Variants in SHF observed in about 807,000 individuals in gnomAD.
SHF encodes the protein SH2 domain-containing adapter protein F.
SHF carries 30 observed loss-of-function variants against 42.4 expected under a neutral mutation model. The ratio of observed to expected loss-of-function variants is 0.71; its 90% CI spans 0.53 to 0.96. The LOEUF (loss-of-function observed/expected upper bound fraction) is 0.96. Among genes scored for constraint, SHF ranks in the 40% least tolerant of loss-of-function variants. The pLI, the probability that SHF is intolerant of heterozygous loss-of-function variation, is 0.00. For missense variants in SHF, 598 were observed against 634.0 expected, an observed-to-expected ratio of 0.94 and a Z score of 0.61; for synonymous variants, 264 against 269.9, an observed-to-expected ratio of 0.98 and a Z score of 0.21.
At chr15:45,198,642 C>CGTTGTG in intron 2 of SHF, 2 of 1,191,358 alleles carry the variant, frequency 1.7e-6, no homozygotes, top group Non-Finnish European at 1.1e-6. Flanking sequence ...TTGCTGCGGC[C>CGTTGTG]ACAACGCAGA....
chr15:45,174,347 A>G (rs916647054), intron 3 of SHF: 3 of 157,848 alleles, frequency 1.9e-5, no homozygotes, highest in African/African-American at 7.2e-5. Flanking sequence ...TCCAAACAGT[A>G]TTGATTCTCC....
chr15:45,190,451 C>G (rs750119920), upstream of SHF, among the ~76,000 whole-genome samples: 5 of 152,144 alleles, frequency 3.3e-5, no homozygotes, highest in African/African-American at 1.2e-4. Flanking sequence ...GCTACTGATA[C>G]TTGCTTTCAT....
chr15:45,201,110 C>A, exon 1 of SHF: 1 of 333,216 alleles, frequency 3.0e-6, no homozygotes, highest in South Asian at 2.4e-5. Flanking sequence ...ACGAGAAGGG[C>A]AACACTGGGT....
Position 45,187,808 on chromosome 15 carries a change from G to C in SHF, c.144C>G (p.Ala48=). 1 of 878,314 alleles carries C rather than the reference G, an allele frequency of 1.1e-6. No homozygotes were observed. Among genetic ancestry groups the C allele is most frequent in the Non-Finnish European group, 1.5e-6 (1 of 673,584 alleles). The allele number at this position is 878,314 out of a possible 1,614,324, so 54.4% of individuals were successfully genotyped here. A position where few individuals can be genotyped will look rare whatever the true frequency, so the allele number is the denominator to read the frequency against. Residue 48 remains alanine (A), a synonymous_variant, in exon 1 of 7, where the codon GCC becomes GCG. Coordinates refer to ENST00000690270, the MANE Select transcript of SHF (RefSeq NM_001394037.1). ...AGCCCAGGTGCTCCCGGAGCCACTT[G>C]GCTACTCCGCCGCTGCCGCCCCCTC... ...GPGGGGSGGV[A]KWLREHLGFR...
chr15:45,172,010 TGA>T lies in SHF; in HGVS notation c.1161-10_1161-9del. The T allele has an allele frequency of 1.2e-6, 2 of 1,613,806 alleles. No homozygotes were observed. The highest frequency in any genetic ancestry group is 2.2e-5 in the South Asian group (2 of 91,060). ...ATGGCCCCGTGATACCAGCTAAGGA[TGA>T]GAGAGAGGAAGGGGGGCATCTCTGC... On this transcript the variant is annotated splice_polypyrimidine_tract_variant and intron_variant, in intron 5 of 6. Transcript: ENST00000690270.
intron 2 of SHF, among the ~76,000 whole-genome samples, chr15:45,198,189 G>A (rs1243449303): frequency 1.3e-5 from 2 of 152,026 alleles, no homozygotes; most frequent in Admixed American, 1.3e-4. Context: ...CAGGATAATC[G>A]CTTGAACCCG....
intron 6 of SHF, chr15:45,170,645 C>CTTTTTTT (rs146136602): frequency 3.4e-4 from 76 of 221,788 alleles, no homozygotes; most frequent in Non-Finnish European, 4.1e-4. Flanking sequence ...TTATCTTTTT[C>CTTTTTTT]TTTTTTTTTT....
intron 2 of SHF, among the ~76,000 whole-genome samples, chr15:45,197,027 A>G (rs1444748526): frequency 1.3e-5 from 2 of 152,192 alleles, no homozygotes; most frequent in Admixed American, 1.3e-4. Context: ...ATAGGAGCAC[A>G]CACTTTTCTT....
intron 6 of SHF, among the ~76,000 whole-genome samples, chr15:45,169,454 T>C (rs573225656): frequency 6.6e-6 from 1 of 151,912 alleles, no homozygotes; most frequent in African/African-American, 2.4e-5. Flanking sequence ...CATCTGTAGG[T>C]CTGAGATAAC....
intron 2 of SHF, among the ~76,000 whole-genome samples, chr15:45,193,720 G>A (rs780235289): frequency 1.7e-4 from 26 of 152,192 alleles, no homozygotes; most frequent in Non-Finnish European, 3.2e-4. Context: ...GCCAGGTGCA[G>A]TGGCTCACGC....
chr15:45,192,119 A>T (rs1898723551), upstream of SHF, among the ~76,000 whole-genome samples: 1 of 152,098 alleles, frequency 6.6e-6, no homozygotes, highest in African/African-American at 2.4e-5. Context: ...CCAAAGAATA[A>T]GGAATTCTAT....
chr15:45,198,693 C>G, intron 2 of SHF: 1 of 1,518,842 alleles, frequency 6.6e-7, no homozygotes, highest in Non-Finnish European at 8.8e-7. Flanking sequence ...ACCGGGGACC[C>G]GTAGGGGTTG....
chr15:45,190,240 G>C (rs1898676323), upstream of SHF, among the ~76,000 whole-genome samples: 1 of 152,170 alleles, frequency 6.6e-6, no homozygotes, highest in Admixed American at 6.5e-5. Flanking sequence ...AAAATAACGT[G>C]CATATTTTTA....
exon 1 of SHF, chr15:45,201,105 A>G (rs1272524980): frequency 3.0e-6 from 1 of 338,122 alleles, no homozygotes; most frequent in Non-Finnish European, 5.9e-6. Context: ...TCTAGACGAG[A>G]AGGGCAACAC....
rs374768831 is a variant in SHF at position 45,168,014 on chromosome 15, C to T, written c.1400G>A (p.Arg467His). Residue 467 changes from arginine to histidine, a missense_variant, in exon 7 of 7, where the codon CGC becomes CAC. By Grantham distance (29) the Arg-to-His change is conservative. Coordinates refer to ENST00000690270, the MANE Select transcript of SHF (RefSeq NM_001394037.1). ...VPEIVHHYASRKLPIKGAEHM... is the reference protein window; with the variant it reads ...VPEIVHHYASHKLPIKGAEHM... The stretch of plus-strand genomic sequence containing the variant: ...TTCGGCTCCCTTAATGGGTAGCTTG[C>T]GGCTGGCATAGTGGTGCACAATTTC... 4.3e-6 allele frequency: 7 copies of T among 1,613,436 alleles called. No individual in the cohort carries two copies. Among genetic ancestry groups the T allele is most frequent in the Admixed American group, 3.3e-5 (2 of 59,984 alleles).
chr15:45,189,767 T>A (rs1344536680), upstream of SHF, among the ~76,000 whole-genome samples: 1 of 151,956 alleles, frequency 6.6e-6, no homozygotes, highest in Admixed American at 6.6e-5. Flanking sequence ...TAAAGAAGGA[T>A]GTAATGGCAA....
intron 1 of SHF, among the ~76,000 whole-genome samples, chr15:45,186,638 AC>A (rs1395102714): frequency 6.6e-6 from 1 of 152,224 alleles, no homozygotes; most frequent in Admixed American, 6.5e-5. Flanking sequence ...GTGCCTGCAG[AC>A]CCAGGAAAAG....
intron 6 of SHF, chr15:45,170,475 T>C (rs1166364088): frequency 7.8e-7 from 1 of 1,275,262 alleles, no homozygotes; most frequent in Non-Finnish European, 1.0e-6. Flanking sequence ...ACTCCTAGAG[T>C]ATGACAGCTG....
In SHF at chr15:45,167,792, T is replaced by C. The variant is rs116309347; in HGVS notation, c.*155A>G. On this transcript the variant is annotated 3_prime_UTR_variant, in exon 7 of 7. Coordinates refer to ENST00000690270, the MANE Select transcript of SHF (RefSeq NM_001394037.1). ...CTTACTCCAAGGCCCCAGGAGCCCT[T>C]TCCCTTTAGAATAAATTAAGGAATC... 601 of 679,664 alleles carry C rather than the reference T, an allele frequency of 8.8e-4. 7 individuals are homozygous for C. The African/African-American group carries it at 0.011, about 12-fold the overall frequency. 42.1% of individuals were successfully genotyped at this position (679,664 alleles called of 1,614,324 possible).
Sources: gnomAD v4.1 joint callset for allele counts (sites outside exome capture counted in the v4.1 genomes callset) on GRCh38, gnomAD v4.1.1 for gene constraint, MANE v1.5 for transcripts, NCBI Gene and HGNC (gene_info 2026-07-23, HGNC 2026-07-21) for gene names.